DHX32: variants seen among roughly 807,000 people sequenced by gnomAD.
DHX32 encodes the protein putative pre-mRNA-splicing factor ATP-dependent RNA helicase DHX32.
DHX32 carries 51 observed loss-of-function variants against 70.0 expected under a neutral mutation model. The observed-to-expected ratio is 0.73, with a 90% CI of 0.58 to 0.92. The LOEUF is 0.92. DHX32 is among the 40% of genes least tolerant of loss of function. DHX32 has a pLI of 0.00. For synonymous variants in DHX32, 310 were observed against 315.3 expected (o/e 0.98, Z 0.18); for missense variants, 762 against 891.8 (o/e 0.85, Z 1.85).
At chr10:125,867,608 C>T (rs1334953885) in intron 1 of DHX32, among the ~76,000 whole-genome samples, 6 of 151,822 alleles carry the variant, frequency 4.0e-5, no homozygotes, top group South Asian at 4.2e-4. Flanking sequence ...TGGTGGCGGG[C>T]GCCTGTAGTC....
chr10:125,844,855 C>T (rs1350942681), intron 6 of DHX32, among the ~76,000 whole-genome samples: 1 of 152,188 alleles, frequency 6.6e-6, no homozygotes, highest in Non-Finnish European at 1.5e-5. Context: ...CGCTTGCCAG[C>T]GGCAGCTGTA....
chr10:125,839,285 CCT>C, intron 8 of DHX32, 97 bp from the exon 9 acceptor site: 1 of 1,292,554 alleles, frequency 7.7e-7, no homozygotes. Flanking sequence ...CCTGTGCTCT[CCT>C]CTCCTACAAA....
At chr10:125,846,056 C>T (rs919640213) in intron 6 of DHX32, among the ~76,000 whole-genome samples, 1 of 152,228 alleles carries the variant, frequency 6.6e-6, no homozygotes, top group African/African-American at 2.4e-5. Context: ...ACGTGACTGC[C>T]TTTGCTCATG....
chr10:125,856,243 T>G (rs1409576333), intron 3 of DHX32, among the ~76,000 whole-genome samples: 1 of 152,204 alleles, frequency 6.6e-6, no homozygotes, highest in African/African-American at 2.4e-5. Context: ...AAGGACGATA[T>G]CTAGCAGACA....
At chr10:125,837,316 T>G (rs1472513109) in intron 10 of DHX32, among the ~76,000 whole-genome samples, 4 of 152,208 alleles carry the variant, frequency 2.6e-5, no homozygotes, top group African/African-American at 7.2e-5. Context: ...GCTGGAATAG[T>G]AGTGGAACCT....
chr10:125,883,045 T>C (rs1468305536), upstream of DHX32, among the ~76,000 whole-genome samples: 1 of 152,132 alleles, frequency 6.6e-6, no homozygotes, highest in Non-Finnish European at 1.5e-5. Context: ...CAAAAAGAAA[T>C]GTTTCTCTTA....
At chr10:125,869,575 C>CAA (rs1281183549) in intron 1 of DHX32, 12 of 117,054 alleles carry the variant, frequency 1.0e-4, no homozygotes, top group East Asian at 4.9e-4. Context: ...GACTCTGTCT[C>CAA]AAAAAAAAAA....
rs764275005 is a variant in DHX32, at chr10:125,867,229, A to G, written c.283-46T>C. On this transcript the variant is annotated intron_variant, in intron 1 of 10. Coordinates refer to ENST00000284690, the MANE Select transcript of DHX32 (RefSeq NM_018180.3). ...ACAGGATCAGCTTCTGCTGAAAACA[A>G]AACAAGAGACATCTCTGTCTTACAG... 11 of 1,485,556 alleles carry G rather than the reference A, an allele frequency of 7.4e-6. No homozygotes were observed. In the East Asian group the frequency reaches 2.4e-4, roughly 32 times the overall value. The allele number at this position is 1,485,556 out of a possible 1,614,324, so 92.0% of individuals were successfully genotyped here. A position where few individuals can be genotyped will look rare whatever the true frequency, so the allele number is the denominator to read the frequency against.
chr10:125,893,178 GAA>G (rs1248063748), intron 1 of DHX32, among the ~76,000 whole-genome samples: 2 of 152,264 alleles, frequency 1.3e-5, no homozygotes, highest in Non-Finnish European at 2.9e-5. Flanking sequence ...GCCTAATCCT[GAA>G]AGACTTTCCA....
At chr10:125,840,350 C>T (rs1275695759) in intron 8 of DHX32, among the ~76,000 whole-genome samples, 2 of 152,252 alleles carry the variant, frequency 1.3e-5, no homozygotes, top group African/African-American at 4.8e-5. Context: ...CTGCTCTCCT[C>T]TATCAAGCTC....
intron 1 of DHX32, among the ~76,000 whole-genome samples, chr10:125,869,085 G>C (rs190345708): frequency 4.5e-4 from 68 of 152,236 alleles, no homozygotes; most frequent in African/African-American, 1.6e-3. Context: ...ATTCTACATA[G>C]TTTAAGATTC....
chr10:125,846,715 T>G (rs766434281), intron 6 of DHX32, among the ~76,000 whole-genome samples: 1 of 152,204 alleles, frequency 6.6e-6, no homozygotes, highest in Non-Finnish European at 1.5e-5. Flanking sequence ...TTGTGCCACG[T>G]GACAACACCA....
intron 1 of DHX32, among the ~76,000 whole-genome samples, chr10:125,867,848 A>C (rs758108671): frequency 1.4e-4 from 22 of 152,082 alleles, no homozygotes; most frequent in Non-Finnish European, 3.1e-4. Context: ...TTTGATTAGA[A>C]GGCCCATCAA....
At chr10:125,853,270 T>G (rs1202153174) in intron 4 of DHX32, 3 of 1,463,210 alleles carry the variant, frequency 2.1e-6, no homozygotes, top group East Asian at 2.3e-5. Flanking sequence ...AGGAGGCTCA[T>G]AGTCTCCTGG....
intron 10 of DHX32, 118 bp from the exon 11 acceptor site, chr10:125,836,973 T>C: frequency 1.2e-6 from 1 of 833,452 alleles, no homozygotes; most frequent in Non-Finnish European, 1.9e-6. Context: ...CGGTATTTAA[T>C]TTGAACTCAG....
At chr10:125,842,186 A>T (rs17153668) in intron 6 of DHX32, 11 of 427,750 alleles carry the variant, frequency 2.6e-5, no homozygotes, top group South Asian at 7.5e-5. Flanking sequence ...TGCGGGGGGA[A>T]CCCAGGTGGA....
intron 3 of DHX32, among the ~76,000 whole-genome samples, chr10:125,857,557 T>C (rs1229214757): frequency 1.3e-5 from 2 of 152,234 alleles, no homozygotes; most frequent in Non-Finnish European, 2.9e-5. Flanking sequence ...GGAATGCCTT[T>C]CCAGCCTGCC....
At chr10:125,882,623 A>G (rs1406793751), upstream of DHX32, among the ~76,000 whole-genome samples, 1 of 152,208 alleles carries the variant, frequency 6.6e-6, no homozygotes. Context: ...AGAACTTCAT[A>G]GCTCTTCCCA....
At chr10:125,838,082 C>A (rs1854753884) in intron 10 of DHX32, 124 bp downstream of exon 10, 3 of 879,012 alleles carry the variant, frequency 3.4e-6, no homozygotes, top group Non-Finnish European at 5.0e-6. Context: ...TAGGTACTGT[C>A]AACGTAAATT....
Sources: gnomAD v4.1 joint callset for allele counts (sites outside exome capture counted in the v4.1 genomes callset) on GRCh38, gnomAD v4.1.1 for gene constraint, MANE v1.5 for transcripts, NCBI Gene and HGNC (gene_info 2026-07-23, HGNC 2026-07-21) for gene names.